Variants in CD59 observed in about 807,000 individuals in gnomAD.
CD59 encodes the protein CD59 molecule (CD59 blood group).
A neutral mutation model predicts 7.0 loss-of-function variants in CD59; 3 were observed. The observed-to-expected ratio is 0.43, with a 90% CI of 0.19 to 1.10. The LOEUF (loss-of-function observed/expected upper bound fraction) is 1.10, where lower values mean the gene tolerates loss of function less well. Ranked by LOEUF, CD59 falls within the 50% of genes least tolerant of loss-of-function variation. CD59 has a pLI of 0.29. For missense variants in CD59, 143 were observed against 151.0 expected (o/e 0.95, Z 0.28); for synonymous variants, 60 against 62.0 (o/e 0.97, Z 0.15).
In CD59 at chr11:33,703,654, G is replaced by A. The variant is rs1853188538; in HGVS notation, c.*6472C>T. ...TCTACCTTAAGCTTACCCAGCGTGA[G>A]GCCAGGTTAGAAAGTCACAGGCCTT... On this transcript the variant is annotated 3_prime_UTR_variant, in exon 4 of 4. Transcript: ENST00000642928. 6.6e-6 allele frequency: 1 copy of A among 152,208 alleles called. No homozygotes were observed. The highest frequency in any genetic ancestry group is 2.4e-5 in the African/African-American group (1 of 41,458). The allele number at this position is 152,208 out of a possible 1,614,324, so 9.4% of individuals were successfully genotyped here.
chr11:33,731,978 T>C (rs1854431223), intron 1 of CD59, among the ~76,000 whole-genome samples: 1 of 151,942 alleles, frequency 6.6e-6, no homozygotes, highest in Admixed American at 6.6e-5. Flanking sequence ...CCCATACTGT[T>C]CTTGTGGTAG....
intron 1 of CD59, among the ~76,000 whole-genome samples, chr11:33,728,138 A>G (rs534593082): frequency 1.3e-5 from 2 of 152,322 alleles, no homozygotes; most frequent in Admixed American, 6.5e-5. Flanking sequence ...TCAAGCTACC[A>G]CTGACTTTCT....
rs1853469757 is a variant in CD59 at position 33,710,064 on chromosome 11, C to G, written c.*62G>C. The G allele has an allele frequency of 8.1e-7, 1 of 1,241,350 alleles. No individual in the cohort carries two copies. Among genetic ancestry groups the G allele is most frequent in the Admixed American group, 1.9e-5 (1 of 51,928 alleles). The allele number at this position is 1,241,350 out of a possible 1,614,324, so 76.9% of individuals were successfully genotyped here. On this transcript the variant is annotated 3_prime_UTR_variant, in exon 4 of 4. Coordinates refer to ENST00000642928, the MANE Select transcript of CD59 (RefSeq NM_000611.6). ...AAAATATCAAGCCTTTAGAATGTGGCAGCAAGAGAAAGCGGACTACGCAGG... is the reference window on the plus strand; with the variant it reads ...AAAATATCAAGCCTTTAGAATGTGGGAGCAAGAGAAAGCGGACTACGCAGG...
intron 3 of CD59, among the ~76,000 whole-genome samples, chr11:33,711,010 C>T (rs1433417026): frequency 7.1e-6 from 1 of 141,134 alleles, no homozygotes; most frequent in East Asian, 2.2e-4. Context: ...CCTTCAAGTG[C>T]TAACATGGAA....
At chr11:33,720,811 G>A (rs183801286) in intron 2 of CD59, among the ~76,000 whole-genome samples, 11 of 152,340 alleles carry the variant, frequency 7.2e-5, no homozygotes, top group African/African-American at 2.2e-4. Context: ...CAGGGTAGAC[G>A]AGGTTTCCCC....
At chr11:33,727,411 A>G (rs4517486) in intron 1 of CD59, among the ~76,000 whole-genome samples, 20,853 of 152,274 alleles carry the variant, frequency 0.14, 1,765 homozygotes, top group African/African-American at 0.23. Flanking sequence ...AACAGAACCA[A>G]CGACAAAAAC....
In CD59 at chr11:33,714,720, T is replaced by A. The variant is rs186102506; in HGVS notation, c.169+2650A>T. Among the ~76,000 whole-genome samples, 8 of 152,304 alleles carry A rather than the reference T, an allele frequency of 5.3e-5. No homozygotes were observed. The East Asian group carries it at 1.5e-3, about 29-fold the overall frequency. ...AAGCTTTTTTATTTAAAAAAATTTTTAAAAACTTTTCTTGTTTTTGTTAAA... is the reference window on the plus strand; with the variant it reads ...AAGCTTTTTTATTTAAAAAAATTTTAAAAAACTTTTCTTGTTTTTGTTAAA... On this transcript the variant is annotated intron_variant, in intron 3 of 3. Transcript: ENST00000642928.
intron 1 of CD59, among the ~76,000 whole-genome samples, chr11:33,725,285 G>GAAAAAA (rs35899420): frequency 8.1e-5 from 7 of 86,492 alleles, no homozygotes; most frequent in Non-Finnish European, 1.5e-4. Flanking sequence ...CCATTTTAAG[G>GAAAAAA]AAAAAAAAAA....
rs1178019885 is a variant in CD59, at chr11:33,708,807, A to G, written c.*1319T>C. 1 of 152,190 alleles carries G rather than the reference A, an allele frequency of 6.6e-6. No individual in the cohort carries two copies. The highest frequency in any genetic ancestry group is 1.5e-5 in the Non-Finnish European group (1 of 68,028). 9.4% of individuals were successfully genotyped at this position (152,190 alleles called of 1,614,324 possible). On this transcript the variant is annotated 3_prime_UTR_variant, in exon 4 of 4. Transcript: ENST00000642928. ...CATACTGCATATCCTTTTCGGCCATAACCACATTCACCCACTTGTTATATT... is the reference window on the plus strand; with the variant it reads ...CATACTGCATATCCTTTTCGGCCATGACCACATTCACCCACTTGTTATATT...
rs1213846216 is a variant in CD59, at chr11:33,707,228, GC to G, written c.*2897del. ...TTGGCAGCAACAGAAACTAATGCGA[GC>G]TAGTAGACTTTGAACACTGCTAAAG... is the stretch of plus-strand genomic sequence containing the variant. On this transcript the variant is annotated 3_prime_UTR_variant, in exon 4 of 4. Coordinates refer to ENST00000642928, the MANE Select transcript of CD59 (RefSeq NM_000611.6). The G allele has an allele frequency of 2.0e-5, 3 of 152,218 alleles. No homozygotes were observed. Among genetic ancestry groups the G allele is most frequent in the Non-Finnish European group, 4.4e-5 (3 of 68,054 alleles). 9.4% of individuals were successfully genotyped at this position (152,218 alleles called of 1,614,324 possible).
chr11:33,720,169 CA>C (rs1853991442), intron 2 of CD59, among the ~76,000 whole-genome samples: 1 of 152,206 alleles, frequency 6.6e-6, no homozygotes, highest in South Asian at 2.1e-4. Context: ...CTAAGCTCTT[CA>C]TAGGATTGTT....
intron 1 of CD59, among the ~76,000 whole-genome samples, chr11:33,735,525 T>G (rs944652335): frequency 2.0e-5 from 3 of 152,058 alleles, no homozygotes; most frequent in African/African-American, 7.2e-5. Context: ...TACCTCAGCC[T>G]CCCGGGTTAA....
rs1312343580 is a variant in CD59 at position 33,704,050 on chromosome 11, T to G, written c.*6076A>C. On this transcript the variant is annotated 3_prime_UTR_variant, in exon 4 of 4. Transcript: ENST00000642928. Reference sequence around the variant, plus strand: ...AGGAGCCCCCCTTCCCCTCCCCCACTCCAGCTCTGCATCTGGACACACTGT... The same window carrying G: ...AGGAGCCCCCCTTCCCCTCCCCCACGCCAGCTCTGCATCTGGACACACTGT... 1 of 151,816 alleles carries G rather than the reference T, an allele frequency of 6.6e-6. No homozygotes were observed. Among genetic ancestry groups the G allele is most frequent in the East Asian group, 1.9e-4 (1 of 5,158 alleles). The allele number at this position is 151,816 out of a possible 1,614,324, so 9.4% of individuals were successfully genotyped here. A position where few individuals can be genotyped will look rare whatever the true frequency, so the allele number is the denominator to read the frequency against.
intron 3 of CD59, among the ~76,000 whole-genome samples, chr11:33,715,974 G>A (rs987098617): frequency 5.9e-5 from 9 of 152,210 alleles, no homozygotes; most frequent in African/African-American, 1.7e-4. Context: ...ACTTAGTAGT[G>A]AGGAGTCCAA....
chr11:33,733,623 T>TA (rs34903932), intron 1 of CD59: 23,299 of 149,488 alleles, frequency 0.16, 2,023 homozygotes, highest in African/African-American at 0.23. Flanking sequence ...GTCTCAAAAT[T>TA]AAAAAAAAAA....
At chr11:33,735,084 C>T (rs1358845862) in intron 1 of CD59, among the ~76,000 whole-genome samples, 2 of 152,184 alleles carry the variant, frequency 1.3e-5, no homozygotes, top group Non-Finnish European at 2.9e-5. Flanking sequence ...TCCCTTTCTG[C>T]CTCTCCTTCA....
At chr11:33,713,463 T>A (rs1458424734) in intron 3 of CD59, among the ~76,000 whole-genome samples, 6 of 152,180 alleles carry the variant, frequency 3.9e-5, no homozygotes, top group African/African-American at 1.4e-4. Flanking sequence ...TCTGAGGGGA[T>A]GGGTATCTGG....
chr11:33,723,281 C>T (rs1401583613), intron 1 of CD59, among the ~76,000 whole-genome samples: 1 of 152,202 alleles, frequency 6.6e-6, no homozygotes, highest in African/African-American at 2.4e-5. Context: ...CAGGCCCGGA[C>T]AGACAGATGG....
In CD59 at chr11:33,710,084, C is replaced by A. The variant is rs370698576; in HGVS notation, c.*42G>T. The A allele has an allele frequency of 7.0e-7, 1 of 1,421,420 alleles. No individual in the cohort carries two copies. Among genetic ancestry groups the A allele is most frequent in the Non-Finnish European group, 9.9e-7 (1 of 1,014,362 alleles). The allele number at this position is 1,421,420 out of a possible 1,614,324, so 88.1% of individuals were successfully genotyped here. ...TGTGGCAGCAAGAGAAAGCGGACTACGCAGGAACGGGGAGTTTGGGAGAAG... is the reference window on the plus strand; with the variant it reads ...TGTGGCAGCAAGAGAAAGCGGACTAAGCAGGAACGGGGAGTTTGGGAGAAG... On this transcript the variant is annotated 3_prime_UTR_variant, in exon 4 of 4. Coordinates refer to ENST00000642928, the MANE Select transcript of CD59 (RefSeq NM_000611.6).
Sources: gnomAD v4.1 joint callset for allele counts (sites outside exome capture counted in the v4.1 genomes callset) on GRCh38, gnomAD v4.1.1 for gene constraint, MANE v1.5 for transcripts, NCBI Gene and HGNC (gene_info 2026-07-23, HGNC 2026-07-21) for gene names.